AVEN: variants seen among roughly 807,000 people sequenced by gnomAD.
The protein encoded by AVEN is cell death regulator Aven.
A neutral mutation model predicts 38.1 loss-of-function variants in AVEN; 41 were observed. The observed-to-expected ratio is 1.08, with a 90% CI of 0.84 to 1.40. The LOEUF (loss-of-function observed/expected upper bound fraction) is 1.40. Among genes scored for constraint, AVEN ranks in the 40% most tolerant of loss-of-function variants. AVEN has a pLI of 0.00. For synonymous variants in AVEN, 206 were observed against 171.8 expected (o/e 1.20, Z -1.56); for missense variants, 605 against 438.8 (o/e 1.38, Z -3.38).
downstream of AVEN, chr15:33,858,328 C>A: frequency 5.7e-6 from 1 of 175,698 alleles, no homozygotes; most frequent in South Asian, 1.4e-4. Context: ...CCTCAGCCTC[C>A]CTAGTAGCTG....
intron 1 of AVEN, among the ~76,000 whole-genome samples, chr15:34,073,228 T>TTTC (rs1900665497): frequency 2.1e-5 from 3 of 143,270 alleles, no homozygotes; most frequent in Non-Finnish European, 4.5e-5. Flanking sequence ...TTTTTTTTTT[T>TTTC]GTATTTTTAG....
At chr15:33,858,214 A>ATTTTTTTGAGATGGAGTTTTGC (rs2079916656), downstream of AVEN, 1 of 294,936 alleles carries the variant, frequency 3.4e-6, no homozygotes, top group African/African-American at 2.1e-5. Flanking sequence ...ACATTATTTT[A>ATTTTTTTGAGATGGAGTTTTGC]TTTTTTTGAG....
At chr15:34,020,637 T>A (rs1413036636) in intron 1 of AVEN, among the ~76,000 whole-genome samples, 1 of 152,250 alleles carries the variant, frequency 6.6e-6, no homozygotes, top group Non-Finnish European at 1.5e-5. Flanking sequence ...GATGGGCAGC[T>A]GTAACTTCAT....
chr15:34,033,180 A>C (rs1021750136), intron 1 of AVEN, among the ~76,000 whole-genome samples: 2 of 152,100 alleles, frequency 1.3e-5, no homozygotes, highest in Non-Finnish European at 2.9e-5. Flanking sequence ...GGAAAATGAG[A>C]CTCATTCACA....
At chr15:33,857,981 G>T, downstream of AVEN, 1 of 1,595,652 alleles carries the variant, frequency 6.3e-7, no homozygotes, top group South Asian at 1.1e-5. Flanking sequence ...CCACCTCACT[G>T]GGAAGAAGGG....
chr15:33,871,027 A>G lies in AVEN; in HGVS notation c.520T>C (p.Ser174Pro), dbSNP rs754279949. The G allele has an allele frequency of 1.3e-6, 2 of 1,562,326 alleles. No homozygotes were observed. The highest frequency in any genetic ancestry group is 2.4e-5 in the South Asian group (2 of 84,186). Residue 174 changes from serine to proline, a missense_variant, in exon 4 of 6, where the codon TCA becomes CCA. By Grantham distance (74) the Ser-to-Pro change is moderately conservative (BLOSUM62 -1). Coordinates refer to ENST00000306730, the MANE Select transcript of AVEN (RefSeq NM_020371.3). ...AACTCACTATCCACATAAAATGCTG[A>G]ATTCTATATATATATATAAAAGAAA... The part of the protein sequence containing the change: ...DSEASCPKQN[S>P]AFYVDSELLV...
chr15:33,957,695 G>A (rs930287197), intron 2 of AVEN, among the ~76,000 whole-genome samples: 1 of 150,998 alleles, frequency 6.6e-6, no homozygotes, highest in African/African-American at 2.5e-5. Flanking sequence ...CAACAACATA[G>A]GGGAATCTCA....
chr15:33,900,985 G>T (rs2153043114), intron 2 of AVEN, among the ~76,000 whole-genome samples: 1 of 152,320 alleles, frequency 6.6e-6, no homozygotes, highest in Non-Finnish European at 1.5e-5. Context: ...ACCTTACACT[G>T]GCCAGGCACG....
chr15:34,069,262 A>G (rs1900584613), intron 2 of AVEN, among the ~76,000 whole-genome samples: 1 of 151,942 alleles, frequency 6.6e-6, no homozygotes, highest in Non-Finnish European at 1.5e-5. Context: ...TCTACTAAAA[A>G]TACAAAAATT....
intron 2 of AVEN, among the ~76,000 whole-genome samples, chr15:33,973,596 C>A (rs749655985): frequency 6.6e-6 from 1 of 152,140 alleles, no homozygotes; most frequent in Non-Finnish European, 1.5e-5. Flanking sequence ...AATCCCAGCA[C>A]TCTGGGAGGC....
At chr15:33,895,413 T>C (rs1892194885) in intron 2 of AVEN, among the ~76,000 whole-genome samples, 2 of 151,800 alleles carry the variant, frequency 1.3e-5, no homozygotes, top group South Asian at 4.2e-4. Flanking sequence ...GCAGCCTCAA[T>C]CTCCCAGGCT....
chr15:33,932,873 G>C (rs1490302595), intron 2 of AVEN, among the ~76,000 whole-genome samples: 24 of 84,978 alleles, frequency 2.8e-4, no homozygotes, highest in Non-Finnish European at 6.6e-4. Context: ...AAAAATTGTA[G>C]ATCTTGACAC....
At chr15:34,027,512 A>G (rs1468371476) in intron 1 of AVEN, among the ~76,000 whole-genome samples, 1 of 146,458 alleles carries the variant, frequency 6.8e-6, no homozygotes, top group African/African-American at 2.4e-5. Context: ...CTGGATGACA[A>G]AGAGAGACTC....
chr15:33,971,437 G>T (rs1323236402), intron 2 of AVEN, among the ~76,000 whole-genome samples: 1 of 151,830 alleles, frequency 6.6e-6, no homozygotes, highest in Non-Finnish European at 1.5e-5. Context: ...TTATCCAAAA[G>T]CTATAAGCTT....
intron 2 of AVEN, among the ~76,000 whole-genome samples, chr15:33,999,503 G>A (rs183906532): frequency 6.6e-6 from 1 of 152,218 alleles, no homozygotes; most frequent in Non-Finnish European, 1.5e-5. Flanking sequence ...TGCAACACTG[G>A]TACCTCCTAT....
intron 2 of AVEN, among the ~76,000 whole-genome samples, chr15:33,878,256 G>A (rs941379080): frequency 6.6e-6 from 1 of 151,998 alleles, no homozygotes; most frequent in Admixed American, 6.6e-5. Context: ...TAAAGAAGTT[G>A]TCTTATTGAT....
At chr15:33,964,124 A>AC (rs1895300743) in intron 2 of AVEN, among the ~76,000 whole-genome samples, 1 of 148,798 alleles carries the variant, frequency 6.7e-6, no homozygotes, top group Non-Finnish European at 1.5e-5. Flanking sequence ...AAAAAAGTCT[A>AC]CCGCCAGGAC....
At chr15:34,025,274 A>G (rs1274282817) in intron 1 of AVEN, among the ~76,000 whole-genome samples, 1 of 152,256 alleles carries the variant, frequency 6.6e-6, no homozygotes, top group African/African-American at 2.4e-5. Context: ...GTTGCAAACT[A>G]TAGAAACCAA....
At chr15:33,957,698 G>C (rs1352755356) in intron 2 of AVEN, among the ~76,000 whole-genome samples, 2 of 149,160 alleles carry the variant, frequency 1.3e-5, no homozygotes, top group Non-Finnish European at 3.0e-5. Flanking sequence ...CAACATAGGG[G>C]AATCTCAAAA....
Sources: allele counts gnomAD v4.1 joint callset (sites outside exome capture counted in the v4.1 genomes callset), GRCh38; gene constraint gnomAD v4.1.1; transcripts MANE v1.5; gene names NCBI Gene and HGNC (gene_info 2026-07-23, HGNC 2026-07-21).